The following HECW2 variants were observed in gnomAD, a reference collection of about 807,000 sequenced individuals.
HECW2 encodes the protein E3 ubiquitin-protein ligase HECW2.
HECW2 carries 61 observed loss-of-function variants against 175.2 expected under a neutral mutation model. That is an observed-to-expected ratio of 0.35 (90% CI 0.28 to 0.43). HECW2 has a LOEUF of 0.43. Among genes scored for constraint, HECW2 ranks in the 20% least tolerant of loss-of-function variants. The pLI is 1.00. For missense variants in HECW2, 1,524 were observed against 2,000.5 expected (o/e 0.76, Z 4.54); for synonymous variants, 671 against 731.0 (o/e 0.92, Z 1.32).
intron 1 of HECW2, among the ~76,000 whole-genome samples, chr2:196,573,316 A>G (rs1363699291): frequency 6.6e-6 from 1 of 152,022 alleles, no homozygotes; most frequent in Admixed American, 6.5e-5. Flanking sequence ...GGCTTACAAC[A>G]TTATGAGGAT....
chr2:196,242,368 A>G, intron 19 of HECW2, 164 bp from the exon 20 acceptor site: 1 of 799,726 alleles, frequency 1.3e-6, no homozygotes, highest in Non-Finnish European at 1.9e-6. Flanking sequence ...ACAAACCTCA[A>G]CCAAGGTCTT....
chr2:196,355,453 C>T lies in HECW2; in HGVS notation c.293-11689G>A, dbSNP rs575860904. Among the ~76,000 whole-genome samples, 3 of 152,344 alleles carry T rather than the reference C, an allele frequency of 2.0e-5. No individual in the cohort carries two copies. In the South Asian group the frequency reaches 6.2e-4, roughly 32 times the overall value. On this transcript the variant is annotated intron_variant, in intron 2 of 28. Transcript: ENST00000644978. ...CTATGACAATGATGATAAAATGCCT[C>T]AATCCTATCCCCTGTAACAAGGCTC...
At chr2:196,250,141 C>A (rs946849926) in intron 19 of HECW2, among the ~76,000 whole-genome samples, 2 of 152,180 alleles carry the variant, frequency 1.3e-5, no homozygotes, top group Non-Finnish European at 2.9e-5. Flanking sequence ...CACAAAAGGC[C>A]TGGAAAAGGA....
chr2:196,556,238 A>G (rs1326036926), intron 1 of HECW2, among the ~76,000 whole-genome samples: 1 of 152,204 alleles, frequency 6.6e-6, no homozygotes, highest in Non-Finnish European at 1.5e-5. Context: ...GCATTATGAA[A>G]TGATTACCAA....
At chr2:196,297,317 ATG>A (rs1468867785) in intron 13 of HECW2, among the ~76,000 whole-genome samples, 1 of 152,208 alleles carries the variant, frequency 6.6e-6, no homozygotes, top group East Asian at 1.9e-4. Flanking sequence ...TAAGCACTTG[ATG>A]GTTGAGTGAA....
chr2:196,283,722 C>T (rs1466870399), intron 14 of HECW2, among the ~76,000 whole-genome samples: 1 of 152,106 alleles, frequency 6.6e-6, no homozygotes, highest in Non-Finnish European at 1.5e-5. Flanking sequence ...GGGTTTTCCA[C>T]TACAATACAG....
At chr2:196,340,324 C>T (rs148972921) in intron 3 of HECW2, among the ~76,000 whole-genome samples, 1,908 of 152,114 alleles carry the variant, frequency 0.013, 17 homozygotes, top group Non-Finnish European at 0.016. Flanking sequence ...CAGCCGGGCA[C>T]GGTGGCTCAC....
At chr2:196,291,875 T>C (rs1418526175) in intron 14 of HECW2, 1 of 152,212 alleles carries the variant, frequency 6.6e-6, no homozygotes, top group Non-Finnish European at 1.5e-5. Flanking sequence ...TAAATAAAAA[T>C]TAAATCTTAG....
At chr2:196,294,835 T>C (rs1690745953) in intron 13 of HECW2, among the ~76,000 whole-genome samples, 2 of 152,186 alleles carry the variant, frequency 1.3e-5, no homozygotes, top group Admixed American at 1.3e-4. Flanking sequence ...TCTGGGTCCC[T>C]GAGTGACCAC....
chr2:196,507,925 T>G (rs1687823046), intron 1 of HECW2, among the ~76,000 whole-genome samples: 2 of 152,334 alleles, frequency 1.3e-5, no homozygotes, highest in Admixed American at 1.3e-4. Context: ...CAGCTAATTT[T>G]TTCTCCTGTG....
chr2:196,220,264 C>A, intron 25 of HECW2, 111 bp from the exon 26 acceptor site: 1 of 692,266 alleles, frequency 1.4e-6, no homozygotes, highest in Non-Finnish European at 2.5e-6. Flanking sequence ...TATGTGTGTA[C>A]CTTGTGTTGG....
chr2:196,507,176 T>TACACACACTAATACGTGTATATTAG (rs6147110), intron 1 of HECW2, among the ~76,000 whole-genome samples: 1 of 151,368 alleles, frequency 6.6e-6, no homozygotes, highest in African/African-American at 2.4e-5. Context: ...ATGTGTATAT[T>TACACACACTAATACGTGTATATTAG]ACACACACTA....
intron 3 of HECW2, 139 bp downstream of exon 3, chr2:196,343,518 C>T (rs1160395226): frequency 1.6e-6 from 1 of 616,800 alleles, no homozygotes; most frequent in African/African-American, 1.9e-5. Context: ...TTTTCTAAAA[C>T]AATATATTTT....
rs193036757 is a variant in HECW2 at position 196,396,091 on chromosome 2, T to C, written c.292+37041A>G. 1.6e-4 allele frequency among the ~76,000 whole-genome samples: 24 copies of C among 152,302 alleles called. No homozygotes were observed. In the East Asian group the frequency reaches 4.2e-3, roughly 27 times the overall value. The stretch of plus-strand genomic sequence containing the variant: ...ACAACATGGATGAACTCTGAAGATA[T>C]TACGCTAAGTGATATAAGCCAGTCA... On this transcript the variant is annotated intron_variant, in intron 2 of 28. Coordinates refer to ENST00000644978, the MANE Select transcript of HECW2 (RefSeq NM_001348768.2).
At chr2:196,441,231 T>C (rs953150330) in intron 1 of HECW2, among the ~76,000 whole-genome samples, 3 of 152,298 alleles carry the variant, frequency 2.0e-5, no homozygotes, top group South Asian at 4.1e-4. Flanking sequence ...CTGAAAAACA[T>C]TGTCAGAGGA....
chr2:196,227,293 G>A lies in HECW2; in HGVS notation c.3917+809C>T, dbSNP rs957257760. Among the ~76,000 whole-genome samples the A allele has an allele frequency of 3.7e-5, 5 of 133,516 alleles. No individual in the cohort carries two copies. In the East Asian group the frequency reaches 1.1e-3, roughly 30 times the overall value. The allele number at this position is 133,516 out of a possible 152,430, so 87.6% of individuals were successfully genotyped here. On this transcript the variant is annotated intron_variant, in intron 22 of 28. Transcript: ENST00000644978. ...ATATTCTTTCCTTTGTTGCTGTCAG[G>A]GAAAATGAACAGGAACAAGCAAACA...
At chr2:196,206,049 C>T (rs1246807729) in intron 28 of HECW2, among the ~76,000 whole-genome samples, 1 of 152,104 alleles carries the variant, frequency 6.6e-6, no homozygotes. Flanking sequence ...CTTTTCACAC[C>T]CCCACTCCCA....
chr2:196,467,441 C>T (rs1697003436), intron 1 of HECW2, among the ~76,000 whole-genome samples: 1 of 152,102 alleles, frequency 6.6e-6, no homozygotes, highest in East Asian at 1.9e-4. Context: ...GGCTTTCTTG[C>T]AGATTCCATT....
chr2:196,293,025 G>A (rs960668256), intron 13 of HECW2, among the ~76,000 whole-genome samples: 1 of 152,158 alleles, frequency 6.6e-6, no homozygotes, highest in Non-Finnish European at 1.5e-5. Context: ...TGGGGTACAT[G>A]TGCAAGAAGA....
Sources: gnomAD v4.1 joint callset for allele counts (sites outside exome capture counted in the v4.1 genomes callset) on GRCh38, gnomAD v4.1.1 for gene constraint, MANE v1.5 for transcripts, NCBI Gene and HGNC (gene_info 2026-07-23, HGNC 2026-07-21) for gene names.